SETX: variants seen among roughly 807,000 people sequenced by gnomAD.
SETX encodes helicase senataxin.
A neutral mutation model predicts 227.2 loss-of-function variants in SETX; 90 were observed. The observed-to-expected ratio is 0.40, with a 90% CI of 0.33 to 0.47. The LOEUF (loss-of-function observed/expected upper bound fraction) is 0.47, where lower values mean the gene tolerates loss of function less well. Among genes scored for constraint, SETX ranks in the 20% least tolerant of loss-of-function variants. The probability of loss-of-function intolerance (pLI) is 0.91; values close to 1 mark genes in which losing one functional copy is unlikely to be tolerated. For synonymous variants in SETX, 1,210 were observed against 1,113.2 expected, an observed-to-expected ratio of 1.09 and a Z score of -1.73; for missense variants, 3,052 against 3,181.5, an observed-to-expected ratio of 0.96 and a Z score of 0.98.
intron 12 of SETX, 40 bp downstream of exon 12, chr9:132,300,590 G>A (rs758960132): frequency 6.3e-7 from 1 of 1,590,146 alleles, no homozygotes; most frequent in South Asian, 1.1e-5. Flanking sequence ...AGATGAGACT[G>A]TATCTGACAT....
chr9:132,349,932 C>T (rs1298314924), intron 2 of SETX, among the ~76,000 whole-genome samples: 2 of 152,080 alleles, frequency 1.3e-5, no homozygotes, highest in African/African-American at 2.4e-5. Context: ...AGATATAAAG[C>T]TCAGATAAAC....
chr9:132,290,930 T>C (rs1227272577), intron 15 of SETX, among the ~76,000 whole-genome samples: 1 of 152,148 alleles, frequency 6.6e-6, no homozygotes, highest in African/African-American at 2.4e-5. Context: ...TTTATTCTAA[T>C]TGGACACGTC....
At chr9:132,336,927 TTGG>T (rs1212567860) in intron 5 of SETX, among the ~76,000 whole-genome samples, 1 of 151,856 alleles carries the variant, frequency 6.6e-6, no homozygotes, top group Non-Finnish European at 1.5e-5. Context: ...TTAGCTGGAC[TTGG>T]TGGTGCACTC....
rs1025128638 is a variant in SETX, at chr9:132,296,761, A to G, written c.5949+126T>C. ...CCTTTTCTCTGACACAGTTACACAC[A>G]ATATAAAAAATATATACAAATCAAA... On this transcript the variant is annotated intron_variant, in intron 14 of 25. Transcript: ENST00000224140. 9 of 887,486 alleles carry G rather than the reference A, an allele frequency of 1.0e-5. No individual in the cohort carries two copies. In the Admixed American group the frequency reaches 1.7e-4, roughly 17 times the overall value. 55.0% of individuals were successfully genotyped at this position (887,486 alleles called of 1,614,324 possible).
chr9:132,314,912 T>G lies in SETX; in HGVS notation c.5275-3056A>C, dbSNP rs1017746938. On this transcript the variant is annotated intron_variant, in intron 10 of 25. Coordinates refer to ENST00000224140, the MANE Select transcript of SETX (RefSeq NM_015046.7). ...ATTATTATTATTTTATTGTGTTTTT[T>G]TTTTTTTTTTTTTTTTTGGAGACAG... 6.1e-3 allele frequency among the ~76,000 whole-genome samples: 685 copies of G among 111,616 alleles called. 6 individuals are homozygous for G. The highest frequency in any genetic ancestry group is 0.026 in the African/African-American group (641 of 24,912). 73.2% of individuals were successfully genotyped at this position (111,616 alleles called of 152,430 possible). A position where few individuals can be genotyped will look rare whatever the true frequency, so the allele number is the denominator to read the frequency against.
At chr9:132,348,771 T>G (rs1848450673) in intron 3 of SETX, among the ~76,000 whole-genome samples, 1 of 151,658 alleles carries the variant, frequency 6.6e-6, no homozygotes, top group African/African-American at 2.4e-5. Context: ...ACAAAAAAAT[T>G]TTAAAAATTA....
intron 2 of SETX, among the ~76,000 whole-genome samples, chr9:132,353,374 C>CT (rs1216329612): frequency 6.6e-6 from 1 of 151,504 alleles, no homozygotes; most frequent in Non-Finnish European, 1.5e-5. Flanking sequence ...ACCTCAGGAA[C>CT]TTAAAAAAAA....
chr9:132,275,489 TC>T, intron 22 of SETX, 69 bp from the exon 23 acceptor site: 1 of 1,359,256 alleles, frequency 7.4e-7, no homozygotes, highest in Non-Finnish European at 1.0e-6. Flanking sequence ...TAACTTAAGT[TC>T]CACTGAGTTT....
At chr9:132,348,369 AAAAC>A (rs1564570581) in intron 3 of SETX, among the ~76,000 whole-genome samples, 9 of 54,194 alleles carry the variant, frequency 1.7e-4, no homozygotes, top group South Asian at 1.0e-3. Context: ...TCTCAAAAAA[AAAAC>A]AAAACAAAAA....
chr9:132,315,702 C>T (rs527319812), intron 10 of SETX, among the ~76,000 whole-genome samples: 1 of 152,280 alleles, frequency 6.6e-6, no homozygotes, highest in South Asian at 2.1e-4. Flanking sequence ...CAAAAATTGT[C>T]CACCCATCAA....
intron 15 of SETX, among the ~76,000 whole-genome samples, chr9:132,295,236 G>C (rs1844601060): frequency 6.6e-6 from 1 of 152,136 alleles, no homozygotes; most frequent in South Asian, 2.1e-4. Flanking sequence ...ACATTTCTAA[G>C]CTTCAGTTTC....
intron 11 of SETX, among the ~76,000 whole-genome samples, chr9:132,305,839 T>C (rs561476223): frequency 2.0e-5 from 3 of 152,246 alleles, no homozygotes; most frequent in East Asian, 3.9e-4. Context: ...AAACAGACAT[T>C]TGTGGGACAA....
intron 11 of SETX, among the ~76,000 whole-genome samples, chr9:132,308,874 G>C (rs1329619381): frequency 6.6e-6 from 1 of 151,928 alleles, no homozygotes; most frequent in Admixed American, 6.6e-5. Flanking sequence ...GGGGTGAGGC[G>C]CCGTGGCTCA....
intron 6 of SETX, 39 bp downstream of exon 6, chr9:132,336,257 C>T (rs749734191): frequency 1.4e-5 from 21 of 1,547,824 alleles, no homozygotes; most frequent in South Asian, 9.0e-5. Flanking sequence ...CAGAACTATA[C>T]GAAAATACCA....
At chr9:132,350,436 G>A (rs1021222629) in intron 2 of SETX, among the ~76,000 whole-genome samples, 16 of 152,138 alleles carry the variant, frequency 1.1e-4, no homozygotes, top group African/African-American at 1.9e-4. Flanking sequence ...GAGTATCACC[G>A]TCACCCTAAA....
At position 132,326,946 on chromosome 9, in the gene SETX, T is replaced by C. The variant is rs751990664; in HGVS notation, c.4652A>G (p.Tyr1551Cys). 1.9e-6 allele frequency: 3 copies of C among 1,614,242 alleles called. No individual in the cohort carries two copies. The South Asian group carries it at 3.3e-5, about 18-fold the overall frequency. The change falls in exon 10 of 26, where the codon TAC becomes TGC. Residue 1551 changes from tyrosine to cysteine, a missense_variant. This residue lies in a region of SETX where 1,483 missense variants were observed against 1,312.0 expected (regional missense o/e 1.13). Coordinates refer to ENST00000224140, the MANE Select transcript of SETX (RefSeq NM_015046.7). ...TTTTGTGGTTTCAAGACAATCTTTG[T>C]ACTTACACTTTGTGCCACTCAAAGA... ...LESLSGTKCKYKDCLETTKNQ... is the reference protein window; with the variant it reads ...LESLSGTKCKCKDCLETTKNQ...
At chr9:132,349,188 T>C in intron 3 of SETX, 64 bp downstream of exon 3, 1 of 1,487,802 alleles carries the variant, frequency 6.7e-7, no homozygotes, top group East Asian at 2.3e-5. Context: ...TCCAACGGAG[T>C]TCAAACTTAC....
intron 2 of SETX, among the ~76,000 whole-genome samples, chr9:132,351,394 TAACA>T (rs752870975): frequency 2.6e-5 from 4 of 152,222 alleles, no homozygotes; most frequent in Non-Finnish European, 4.4e-5. Flanking sequence ...AAATAAGTAC[TAACA>T]AAGGAGACAA....
upstream of SETX, among the ~76,000 whole-genome samples, chr9:132,355,892 C>A (rs1345866529): frequency 6.7e-6 from 1 of 148,224 alleles, no homozygotes; most frequent in African/African-American, 2.5e-5. Flanking sequence ...GAGGCTGAGG[C>A]ATGAGAATGG....
Sources: allele counts gnomAD v4.1 joint callset (sites outside exome capture counted in the v4.1 genomes callset), GRCh38; gene constraint gnomAD v4.1.1; regional missense constraint gnomAD v4.1.1; transcripts MANE v1.5; gene names NCBI Gene and HGNC (gene_info 2026-07-23, HGNC 2026-07-21).